The following ABCB11 variants were observed in gnomAD, a reference collection of about 807,000 sequenced individuals.
ABCB11 encodes bile salt export pump.
In ABCB11, 95 loss-of-function variants were observed where a neutral mutation model predicts 148.0. That is an observed-to-expected ratio of 0.64 (90% CI 0.54 to 0.76). The LOEUF is 0.76. Ranked by LOEUF, ABCB11 falls within the 30% of genes least tolerant of loss-of-function variation. The pLI, the probability that ABCB11 is intolerant of heterozygous loss-of-function variation, is 0.00. For synonymous variants in ABCB11, 591 were observed against 555.4 expected (o/e 1.06, Z -0.90); for missense variants, 1,523 against 1,617.8 (o/e 0.94, Z 1.01).
chr2:169,008,477 T>C (rs2106037520), intron 5 of ABCB11, among the ~76,000 whole-genome samples: 1 of 152,318 alleles, frequency 6.6e-6, no homozygotes, highest in South Asian at 2.1e-4. Flanking sequence ...AGGGCCCACC[T>C]GGATAATCCA....
At chr2:168,963,698 G>T (rs1458553519) in intron 18 of ABCB11, among the ~76,000 whole-genome samples, 1 of 151,790 alleles carries the variant, frequency 6.6e-6, no homozygotes, top group Non-Finnish European at 1.5e-5. Context: ...ATCAACAAAT[G>T]TCTGTGAAAC....
downstream of ABCB11, among the ~76,000 whole-genome samples, chr2:168,916,553 G>A (rs546952194): frequency 3.3e-5 from 5 of 152,252 alleles, no homozygotes; most frequent in South Asian, 4.1e-4. Context: ...ATAATCATGT[G>A]CATTGCTTTA....
chr2:168,927,237 G>GTTGTCTCCATACTTGATA lies in ABCB11; in HGVS notation c.3519_3536dup (p.Ile1174_Asn1179dup). 1.2e-6 allele frequency: 2 copies of GTTGTCTCCATACTTGATA among 1,613,880 alleles called. No individual in the cohort carries two copies. Among genetic ancestry groups the GTTGTCTCCATACTTGATA allele is most frequent in the Non-Finnish European group, 8.5e-7 (1 of 1,179,814 alleles). On this transcript the variant is annotated inframe_insertion, in exon 26 of 28. Transcript: ENST00000650372. ...CTCTTTCCATGGGAATTTCTTTGGT[G>GTTGTCTCCATACTTGATA]TTGTCTCCATACTTGATATTGTCCA...
At chr2:168,968,075 G>A (rs1307497831) in intron 17 of ABCB11, among the ~76,000 whole-genome samples, 1 of 151,840 alleles carries the variant, frequency 6.6e-6, no homozygotes, top group African/African-American at 2.4e-5. Context: ...TGACCTTCAC[G>A]TAAGACAGTG....
rs1694077640 is a variant in ABCB11 at position 168,979,891 on chromosome 2, G to A, written c.1172C>T (p.Thr391Ile). Residue 391 changes from threonine to isoleucine, a missense_variant, in exon 11 of 28, where the codon ACC becomes ATC. Transcript: ENST00000650372. The stretch of plus-strand genomic sequence containing the variant: ...CCTGTCTATTGTCTCAAAAATGCTG[G>A]TGGCTGCTGCACGTCCAGTTGCAAA... ...EAFATGRAAA[T>I]SIFETIDRKP... 6.2e-7 allele frequency: 1 copy of A among 1,610,282 alleles called. No homozygotes were observed. Among genetic ancestry groups the A allele is most frequent in the Non-Finnish European group, 8.5e-7 (1 of 1,177,548 alleles).
At chr2:169,009,244 T>C (rs566498310) in intron 5 of ABCB11, among the ~76,000 whole-genome samples, 112 of 152,176 alleles carry the variant, frequency 7.4e-4, no homozygotes, top group African/African-American at 2.5e-3. Context: ...ACCCAAAGGA[T>C]TATAAATCAT....
rs1352533587 is a variant in ABCB11 at position 168,932,451 on chromosome 2, A to T, written c.3139T>A (p.Ser1047Thr). 6.2e-7 allele frequency: 1 copy of T among 1,612,164 alleles called. No homozygotes were observed. Among genetic ancestry groups the T allele is most frequent in the South Asian group, 1.1e-5 (1 of 90,424 alleles). The change falls in exon 24 of 28, where the codon TCA (serine) becomes ACA (threonine). Residue 1047 changes from serine to threonine, a missense_variant. By Grantham distance (58) the Ser-to-Thr change is moderately conservative (BLOSUM62 1). Transcript: ENST00000650372. ...AGCAGTTGAAAAAAGCGTGCAGCTG[A>T]TATTTTAGCTTTTGCATAACTTGGG... ...YTPSYAKAKI[S>T]AARFFQLLDR...
rs927897720 is a variant in ABCB11, at chr2:168,931,776, G to A, written c.3213+601C>T. On this transcript the variant is annotated intron_variant, in intron 24 of 27. Transcript: ENST00000650372. ...TATTACACAGAATTTAGCATTCACT[G>A]AATGTCATCACCTTGTTCAAATGCC... is the stretch of plus-strand genomic sequence containing the variant. 9.9e-5 allele frequency among the ~76,000 whole-genome samples: 15 copies of A among 152,190 alleles called. 1 individual carries two copies.
At chr2:168,998,058 G>A (rs947983608) in intron 5 of ABCB11, among the ~76,000 whole-genome samples, 1 of 151,926 alleles carries the variant, frequency 6.6e-6, no homozygotes, top group African/African-American at 2.4e-5. Flanking sequence ...ACCCTGAGAT[G>A]AACAAGAACT....
chr2:168,968,466 G>A lies in ABCB11; in HGVS notation c.2036C>T (p.Ala679Val), dbSNP rs200912109. ...GTAGCTCCCTCTGCTAAAGGTCCTCGCAAGCATGTCATCTTCAGTTGCATC... is the reference window on the plus strand; with the variant it reads ...GTAGCTCCCTCTGCTAAAGGTCCTCACAAGCATGTCATCTTCAGTTGCATC... ...IKDATEDDML[A>V]RTFSRGSYQD... Residue 679 changes from alanine (A) to valine (V), a missense_variant, in exon 17 of 28, where the codon GCG becomes GTG. By Grantham distance (64) the Ala-to-Val change is moderately conservative (BLOSUM62 0). Transcript: ENST00000650372. 404 of 1,610,978 alleles carry A rather than the reference G, an allele frequency of 2.5e-4. 1 individual carries two copies. In the Middle Eastern group the frequency reaches 3.1e-3, roughly 13 times the overall value.
intron 23 of ABCB11, among the ~76,000 whole-genome samples, 194 bp from the exon 24 acceptor site, chr2:168,932,727 T>C (rs1691630916): frequency 6.6e-6 from 1 of 152,072 alleles, no homozygotes; most frequent in Non-Finnish European, 1.5e-5. Flanking sequence ...CTGTGTTCTA[T>C]GAAAAAGGAG....
chr2:168,941,203 C>A (rs987769183), intron 21 of ABCB11, among the ~76,000 whole-genome samples: 18 of 151,732 alleles, frequency 1.2e-4, no homozygotes, highest in African/African-American at 4.4e-4. Context: ...GGGAACTGGG[C>A]AAAGTAAATT....
downstream of ABCB11, among the ~76,000 whole-genome samples, chr2:168,916,516 A>G (rs2105865459): frequency 6.6e-6 from 1 of 152,360 alleles, no homozygotes; most frequent in East Asian, 1.9e-4. Context: ...TGAGCACATT[A>G]TAATGCTGGC....
At chr2:168,983,855 T>C (rs1694219913) in intron 10 of ABCB11, among the ~76,000 whole-genome samples, 2 of 152,140 alleles carry the variant, frequency 1.3e-5, no homozygotes, top group African/African-American at 4.8e-5. Flanking sequence ...AAGAATTTGA[T>C]ATAAAACGAC....
chr2:169,003,147 C>A (rs1390280973), intron 5 of ABCB11, among the ~76,000 whole-genome samples: 1 of 151,916 alleles, frequency 6.6e-6, no homozygotes, highest in African/African-American at 2.4e-5. Flanking sequence ...TCCAATGTAT[C>A]ATTCTCATGC....
chr2:169,019,081 C>G (rs1332272953), intron 1 of ABCB11, among the ~76,000 whole-genome samples: 1 of 152,102 alleles, frequency 6.6e-6, no homozygotes, highest in African/African-American at 2.4e-5. Flanking sequence ...GGGCCCCATG[C>G]ACTGCTGAGA....
chr2:168,951,322 G>A (rs1210505705), intron 19 of ABCB11, among the ~76,000 whole-genome samples: 1 of 151,452 alleles, frequency 6.6e-6, no homozygotes, highest in Non-Finnish European at 1.5e-5. Flanking sequence ...TGATTGCATT[G>A]AATCAGTGGA....
At chr2:169,001,601 A>G (rs1013851691) in intron 5 of ABCB11, among the ~76,000 whole-genome samples, 1 of 152,124 alleles carries the variant, frequency 6.6e-6, no homozygotes, top group Non-Finnish European at 1.5e-5. Flanking sequence ...GGAAGAGTCT[A>G]TGCTCCCAAA....
chr2:168,977,778 G>A (rs1042701068), intron 11 of ABCB11, among the ~76,000 whole-genome samples: 1 of 152,140 alleles, frequency 6.6e-6, no homozygotes, highest in South Asian at 2.1e-4. Flanking sequence ...AGAGCGCATA[G>A]GGGAAACTGC....
Sources: gnomAD v4.1 joint callset for allele counts (sites outside exome capture counted in the v4.1 genomes callset) on GRCh38, gnomAD v4.1.1 for gene constraint, MANE v1.5 for transcripts, NCBI Gene and HGNC (gene_info 2026-07-23, HGNC 2026-07-21) for gene names.